Variants in EBF1 observed in about 807,000 individuals in gnomAD.
The protein encoded by EBF1 is EBF transcription factor 1, also known as transcription factor COE1.
EBF1 carries 10 observed loss-of-function variants against 68.4 expected under a neutral mutation model. The observed-to-expected ratio is 0.15, with a 90% confidence interval of 0.09 to 0.25. The LOEUF (loss-of-function observed/expected upper bound fraction) is 0.25. Among genes scored for constraint, EBF1 ranks in the 10% least tolerant of loss-of-function variants. The pLI, the probability that EBF1 is intolerant of heterozygous loss-of-function variation, is 1.00. For synonymous variants in EBF1, 298 were observed against 299.8 expected, an observed-to-expected ratio of 0.99 and a Z score of 0.06; for missense variants, 509 against 794.4, an observed-to-expected ratio of 0.64 and a Z score of 4.32.
intron 6 of EBF1, among the ~76,000 whole-genome samples, chr5:158,966,336 C>A (rs1428510853): frequency 6.6e-6 from 1 of 152,124 alleles, no homozygotes; most frequent in Admixed American, 6.5e-5. Context: ...TTCTGCCACA[C>A]AGGTATGGAA....
chr5:158,720,934 C>T (rs1008996195), intron 11 of EBF1, among the ~76,000 whole-genome samples: 1 of 152,192 alleles, frequency 6.6e-6, no homozygotes, highest in African/African-American at 2.4e-5. Flanking sequence ...TCAGCTGAAG[C>T]TTAGATTGCC....
rs201656000 is a variant in EBF1, at chr5:158,917,678, ACTT to A, written c.555-77571_555-77569del. 9.0e-3 allele frequency among the ~76,000 whole-genome samples: 1,378 copies of A among 152,330 alleles called. 10 individuals carry two copies. The highest frequency in any genetic ancestry group is 0.014 in the Non-Finnish European group (976 of 68,018). On this transcript the variant is annotated intron_variant, in intron 6 of 15. Transcript: ENST00000313708. ...TATTTAGCTAAGAAACAGTGAATAG[ACTT>A]CTTCTATTATAAAGACAAATATGGA...
At chr5:158,719,219 C>T (rs1487679769) in intron 11 of EBF1, among the ~76,000 whole-genome samples, 2 of 152,040 alleles carry the variant, frequency 1.3e-5, no homozygotes, top group Non-Finnish European at 2.9e-5. Flanking sequence ...TATGAATTTG[C>T]TCTTTCATTC....
At chr5:158,818,328 A>G (rs1784162680) in intron 8 of EBF1, among the ~76,000 whole-genome samples, 2 of 152,244 alleles carry the variant, frequency 1.3e-5, no homozygotes, top group African/African-American at 4.8e-5. Context: ...ACACATTTAA[A>G]TGCAGCTGGT....
rs1754885370 is a variant in EBF1 at position 158,969,507 on chromosome 5, T to C, written c.554+103889A>G. Among the ~76,000 whole-genome samples, 5 of 147,348 alleles carry C rather than the reference T, an allele frequency of 3.4e-5. No homozygotes were observed. In the Admixed American group the frequency reaches 3.5e-4, roughly 10 times the overall value. On this transcript the variant is annotated intron_variant, in intron 6 of 15. Transcript: ENST00000313708. ...GGCCGGGGGCTGTGGCTCATGCCTA[T>C]AATCCCAGCACTCTGGGAGGCCGAG... is the stretch of plus-strand genomic sequence containing the variant.
intron 4 of EBF1, among the ~76,000 whole-genome samples, chr5:159,094,165 C>CAAAAAAAAAA (rs869228922): frequency 7.3e-4 from 16 of 21,880 alleles, no homozygotes; most frequent in African/African-American, 9.7e-4. Flanking sequence ...CCTTGGAAGG[C>CAAAAAAAAAA]AAAAAAAAAA....
At chr5:158,890,165 T>TA (rs952389685) in intron 6 of EBF1, among the ~76,000 whole-genome samples, 6 of 152,286 alleles carry the variant, frequency 3.9e-5, no homozygotes, top group African/African-American at 1.4e-4. Context: ...ATGCTAGATA[T>TA]AAAAAAATTG....
intron 7 of EBF1, among the ~76,000 whole-genome samples, chr5:158,824,611 G>T (rs935131597): frequency 9.9e-5 from 15 of 152,250 alleles, no homozygotes; most frequent in Non-Finnish European, 4.4e-5. Flanking sequence ...CTTTACAAGG[G>T]TTGGCACAGA....
Position 159,099,802 on chromosome 5 carries a change from C to CTTTTTTTTTTTTTTTGCTTT in EBF1, c.-344_-325dup, listed in dbSNP as rs1783300626. 1 of 40,706 alleles carries CTTTTTTTTTTTTTTTGCTTT rather than the reference C, an allele frequency of 2.5e-5. No individual in the cohort carries two copies. Among genetic ancestry groups the CTTTTTTTTTTTTTTTGCTTT allele is most frequent in the Admixed American group, 2.6e-4 (1 of 3,870 alleles). The allele number at this position is 40,706 out of a possible 1,614,324, so 2.5% of individuals were successfully genotyped here. On this transcript the variant is annotated 5_prime_UTR_variant, in exon 1 of 16. Transcript: ENST00000313708. ...GGTTGGTTGATTTTTGGTTTGGGTGCTTTTTTTTTTTTTTTGCTTTTTTTT... is the reference window on the plus strand; with the variant it reads ...GGTTGGTTGATTTTTGGTTTGGGTGCTTTTTTTTTTTTTTTGCTTTTTTTTTTTTTTTTTTGCTTTTTTTT...
rs545918665 is a variant in EBF1 at position 158,831,792 on chromosome 5, G to A, written c.636+8237C>T. Among the ~76,000 whole-genome samples, 21 of 152,246 alleles carry A rather than the reference G, an allele frequency of 1.4e-4. 1 individual carries two copies. In the South Asian group the frequency reaches 2.1e-3, roughly 15 times the overall value. The stretch of plus-strand genomic sequence containing the variant: ...GCTCGACTTACAGGTATGAGCCACC[G>A]TGCTCAGCCTGAAATCTGAATAAAA... On this transcript the variant is annotated intron_variant, in intron 7 of 15. Coordinates refer to ENST00000313708, the MANE Select transcript of EBF1 (RefSeq NM_024007.5).
In EBF1 at chr5:158,835,695, C is replaced by T. The variant is rs1788622691; in HGVS notation, c.636+4334G>A. Among the ~76,000 whole-genome samples, 4 of 152,008 alleles carry T rather than the reference C, an allele frequency of 2.6e-5. No individual in the cohort carries two copies. The South Asian group carries it at 8.3e-4, about 31-fold the overall frequency. On this transcript the variant is annotated intron_variant, in intron 7 of 15. Coordinates refer to ENST00000313708, the MANE Select transcript of EBF1 (RefSeq NM_024007.5). ...GGACAATTTTTTTTTGTTGTTGTTCCAAAACATCAGAAAATATCTGAGTCA... is the reference window on the plus strand; with the variant it reads ...GGACAATTTTTTTTTGTTGTTGTTCTAAAACATCAGAAAATATCTGAGTCA...
intron 6 of EBF1, among the ~76,000 whole-genome samples, chr5:158,979,928 G>A (rs531856967): frequency 1.3e-5 from 2 of 152,222 alleles, no homozygotes; most frequent in East Asian, 3.9e-4. Flanking sequence ...TTCACTCTCT[G>A]CTTGCAGCAT....
intron 6 of EBF1, among the ~76,000 whole-genome samples, chr5:158,858,024 C>A (rs1794364510): frequency 1.3e-5 from 2 of 152,172 alleles, no homozygotes; most frequent in Admixed American, 6.5e-5. Context: ...TCCCTCTCCT[C>A]CATTTAAGTG....
intron 6 of EBF1, among the ~76,000 whole-genome samples, chr5:158,851,803 G>C (rs1310653870): frequency 1.0e-5 from 1 of 98,888 alleles, no homozygotes; most frequent in Non-Finnish European, 2.1e-5. Context: ...GAAAGGGAAG[G>C]AGGGAAGGGA....
At chr5:158,895,119 C>A (rs954770556) in intron 6 of EBF1, among the ~76,000 whole-genome samples, 8 of 152,088 alleles carry the variant, frequency 5.3e-5, no homozygotes, top group African/African-American at 1.2e-4. Context: ...CTGAGGAGAA[C>A]AGATGATCAT....
intron 6 of EBF1, among the ~76,000 whole-genome samples, chr5:159,001,435 T>C (rs1379569013): frequency 1.3e-5 from 2 of 152,128 alleles, no homozygotes; most frequent in African/African-American, 4.8e-5. Context: ...GAATCTGTAG[T>C]TAAGAAAGAT....
At chr5:159,080,070 T>C (rs947722958) in intron 5 of EBF1, among the ~76,000 whole-genome samples, 1 of 152,126 alleles carries the variant, frequency 6.6e-6, no homozygotes, top group African/African-American at 2.4e-5. Flanking sequence ...TCTAAGCCCA[T>C]AGCTTCAACT....
intron 11 of EBF1, among the ~76,000 whole-genome samples, chr5:158,726,286 G>C (rs1762968812): frequency 6.6e-6 from 1 of 152,086 alleles, no homozygotes; most frequent in Non-Finnish European, 1.5e-5. Flanking sequence ...GCTTGAAAAA[G>C]GCTCTGAAGT....
chr5:159,073,501 T>G, intron 5 of EBF1, 37 bp from the exon 6 acceptor site: 4 of 1,611,442 alleles, frequency 2.5e-6, no homozygotes, highest in Non-Finnish European at 8.5e-7. Flanking sequence ...GTACAACCAT[T>G]ACAATGTAAA....
Sources: gnomAD v4.1 joint callset for allele counts (sites outside exome capture counted in the v4.1 genomes callset) on GRCh38, gnomAD v4.1.1 for gene constraint, MANE v1.5 for transcripts, NCBI Gene and HGNC (gene_info 2026-07-23, HGNC 2026-07-21) for gene names.